The following PDZD2 variants were observed in gnomAD, a reference collection of about 807,000 sequenced individuals.
The protein encoded by PDZD2 is PDZ domain containing 2.
Under a neutral mutation model 220.7 loss-of-function variants are expected in PDZD2, and 90 were observed. The ratio of observed to expected loss-of-function variants is 0.41; its 90% confidence interval spans 0.34 to 0.49. PDZD2 has a LOEUF of 0.49. Ranked by LOEUF, PDZD2 falls within the 20% of genes least tolerant of loss-of-function variation. The pLI, the probability that PDZD2 is intolerant of heterozygous loss-of-function variation, is 0.28. For synonymous variants in PDZD2, 1,375 were observed against 1,450.5 expected (o/e 0.95, Z 1.18); for missense variants, 3,174 against 3,608.5 (o/e 0.88, Z 3.08).
chr5:31,965,612 C>A (rs990399534), intron 2 of PDZD2, among the ~76,000 whole-genome samples: 1 of 152,088 alleles, frequency 6.6e-6, no homozygotes, highest in Non-Finnish European at 1.5e-5. Context: ...ATGGAAACTT[C>A]GGCTGGGCGC....
chr5:31,917,970 C>T (rs1288060121), intron 2 of PDZD2, among the ~76,000 whole-genome samples: 1 of 152,122 alleles, frequency 6.6e-6, no homozygotes, highest in Non-Finnish European at 1.5e-5. Context: ...AACTCGTGAC[C>T]TCAGGTGAGC....
intron 12 of PDZD2, 135 bp downstream of exon 12, chr5:32,058,238 G>A: frequency 1.6e-6 from 1 of 637,944 alleles, no homozygotes; most frequent in Non-Finnish European, 2.8e-6. Flanking sequence ...CGTGGTCTCT[G>A]CATGGGACAG....
chr5:31,751,142 G>A (rs913327182), intron 1 of PDZD2, among the ~76,000 whole-genome samples: 5 of 151,872 alleles, frequency 3.3e-5, no homozygotes, highest in South Asian at 4.2e-4. Context: ...CTCGGAGGCC[G>A]AAGCAGGAGA....
In PDZD2 at chr5:31,894,316, A is replaced by ACAGCTG. The variant is rs773763339; in HGVS notation, c.477-88824_477-88819dup. On this transcript the variant is annotated intron_variant, in intron 2 of 24. Coordinates refer to ENST00000438447, the MANE Select transcript of PDZD2 (RefSeq NM_178140.4). ...CCTTTCATTCCCCTAAGCTCTGGCCACAGCTGCAGCTGCAGCTGCATCTGG... is the reference window on the plus strand; with the variant it reads ...CCTTTCATTCCCCTAAGCTCTGGCCACAGCTGCAGCTGCAGCTGCAGCTGCATCTGG... Among the ~76,000 whole-genome samples the ACAGCTG allele has an allele frequency of 3.9e-5, 6 of 152,120 alleles. No homozygotes were observed. The East Asian group carries it at 9.7e-4, about 25-fold the overall frequency.
intron 1 of PDZD2, among the ~76,000 whole-genome samples, chr5:31,746,734 C>T (rs1321952646): frequency 6.6e-6 from 1 of 151,784 alleles, no homozygotes; most frequent in Non-Finnish European, 1.5e-5. Context: ...CCACTGTGCT[C>T]TGCACTCTTT....
intron 2 of PDZD2, among the ~76,000 whole-genome samples, chr5:31,941,309 C>T (rs1429983758): frequency 6.6e-6 from 1 of 152,188 alleles, no homozygotes; most frequent in African/African-American, 2.4e-5. Flanking sequence ...GACTTCAGTT[C>T]CCAGACGACT....
intron 2 of PDZD2, among the ~76,000 whole-genome samples, chr5:31,928,397 C>T (rs546057941): frequency 6.6e-6 from 1 of 152,154 alleles, no homozygotes; most frequent in Admixed American, 6.6e-5. Flanking sequence ...CATAGAGCAT[C>T]TCCTTCTTTC....
intron 2 of PDZD2, among the ~76,000 whole-genome samples, chr5:31,934,228 G>A (rs979468300): frequency 2.6e-5 from 4 of 152,092 alleles, no homozygotes; most frequent in African/African-American, 7.2e-5. Context: ...AAAAGCTAAA[G>A]AGCAGACTTC....
At chr5:31,723,257 T>TA in intron 1 of PDZD2, among the ~76,000 whole-genome samples, 1 of 152,256 alleles carries the variant, frequency 6.6e-6, no homozygotes, top group Middle Eastern at 3.4e-3. Flanking sequence ...AATAATCCTT[T>TA]AAAAAGAATC....
intron 2 of PDZD2, chr5:31,840,576 A>C: frequency 1.4e-6 from 1 of 711,496 alleles, no homozygotes; most frequent in South Asian, 1.5e-5. Context: ...CTCTGCGTGG[A>C]GCAGGCTGGC....
chr5:31,662,832 G>T (rs191669445), intron 1 of PDZD2, among the ~76,000 whole-genome samples: 1 of 152,132 alleles, frequency 6.6e-6, no homozygotes, highest in Non-Finnish European at 1.5e-5. Flanking sequence ...GGGTTTCACC[G>T]TGTTAGCCAG....
chr5:32,064,208 C>G (rs1739975654), intron 14 of PDZD2, among the ~76,000 whole-genome samples: 1 of 151,730 alleles, frequency 6.6e-6, no homozygotes. Context: ...TTTGGACGCA[C>G]AGAGGAAAAG....
intron 1 of PDZD2, among the ~76,000 whole-genome samples, chr5:31,746,525 AAT>A (rs1326284202): frequency 4.6e-5 from 7 of 152,166 alleles, no homozygotes; most frequent in Admixed American, 3.3e-4. Context: ...CCCTGGCAAA[AAT>A]ATGTTACAAA....
Position 31,669,740 on chromosome 5 carries a change from G to T in PDZD2, c.-361+30303G>T, listed in dbSNP as rs1194059956. 3.9e-5 allele frequency among the ~76,000 whole-genome samples: 6 copies of T among 152,282 alleles called. No individual in the cohort carries two copies. The East Asian group carries it at 9.6e-4, about 24-fold the overall frequency. ...ACAGGCTTTTTACATTCTACTCTTG[G>T]ATGCTTACTTTGCTGATGCTTACAA... On this transcript the variant is annotated intron_variant, in intron 1 of 24. Coordinates refer to ENST00000438447, the MANE Select transcript of PDZD2 (RefSeq NM_178140.4).
chr5:31,921,348 G>A (rs1359561986), intron 2 of PDZD2, among the ~76,000 whole-genome samples: 1 of 151,638 alleles, frequency 6.6e-6, no homozygotes, highest in East Asian at 2.0e-4. Flanking sequence ...TGAAATTCAT[G>A]TGTGAACTAT....
rs778294406 is a variant in PDZD2, at chr5:32,072,254, G to A, written c.2662G>A (p.Glu888Lys). 1.5e-5 allele frequency: 24 copies of A among 1,614,010 alleles called. No individual in the cohort carries two copies. The highest frequency in any genetic ancestry group is 1.9e-5 in the Non-Finnish European group (23 of 1,179,972). ...SDFMVAGSED[E>K]DHPGSGCSTS... ...CTTCATGGTGGCCGGTTCTGAGGAC[G>A]AGGATCACCCGGGAAGTGGCTGCAG... The change falls in exon 17 of 25, where the codon GAG becomes AAG. Residue 888 changes from glutamate (E) to lysine (K), a missense_variant. Physicochemically the swap from Glu to Lys is moderately conservative, Grantham distance 56. Coordinates refer to ENST00000438447, the MANE Select transcript of PDZD2 (RefSeq NM_178140.4).
rs1006302807 is a variant in PDZD2 at position 32,098,380 on chromosome 5, C to T, written c.7964C>T (p.Ser2655Phe). The change falls in exon 23 of 25, where the codon TCT becomes TTT. Residue 2655 changes from serine (S) to phenylalanine (F), a missense_variant. Physicochemically the swap from Ser to Phe is radical, Grantham distance 155 (BLOSUM62 -2). Transcript: ENST00000438447. The surrounding 1 kb of genome is among the most constrained non-coding windows in gnomAD (Gnocchi z 4.1). ...PKSITVHRVF[S>F]QGAASQEGTM... ...TCATCCCAGGTCCACAGGGTGTTTT[C>T]TCAGGGGGCGGCTTCTCAGGAAGGG... 3 of 1,614,084 alleles carry T rather than the reference C, an allele frequency of 1.9e-6. No individual in the cohort carries two copies. Among genetic ancestry groups the T allele is most frequent in the Non-Finnish European group, 2.5e-6 (3 of 1,180,008 alleles).
intron 1 of PDZD2, among the ~76,000 whole-genome samples, chr5:31,703,482 C>T (rs1427410708): frequency 2.0e-5 from 3 of 149,572 alleles, no homozygotes; most frequent in Non-Finnish European, 4.4e-5. Context: ...GTCGGGGGGT[C>T]GGGGGGAAGG....
At chr5:31,878,255 C>T (rs1455609091) in intron 2 of PDZD2, among the ~76,000 whole-genome samples, 1 of 152,142 alleles carries the variant, frequency 6.6e-6, no homozygotes, top group Non-Finnish European at 1.5e-5. Flanking sequence ...GCCACTTCAT[C>T]CACTGGAGAT....
Sources: allele counts gnomAD v4.1 joint callset (sites outside exome capture counted in the v4.1 genomes callset), GRCh38; gene constraint gnomAD v4.1.1; non-coding constraint Gnocchi (gnomAD v3.1); transcripts MANE v1.5; gene names NCBI Gene and HGNC (gene_info 2026-07-23, HGNC 2026-07-21).